Variants in GPHN observed in about 807,000 individuals in gnomAD.
The protein encoded by GPHN is gephyrin.
A neutral mutation model predicts 95.5 loss-of-function variants in GPHN; 17 were observed. The observed-to-expected ratio is 0.18, with a 90% CI of 0.12 to 0.27. GPHN has a LOEUF of 0.27. Ranked by LOEUF, GPHN falls within the 10% of genes least tolerant of loss-of-function variation. The pLI is 1.00. For missense variants in GPHN, 660 were observed against 978.1 expected, an observed-to-expected ratio of 0.67 and a Z score of 4.34; for synonymous variants, 320 against 322.5, an observed-to-expected ratio of 0.99 and a Z score of 0.08.
chr14:66,657,120 G>A (rs1049384784), intron 1 of GPHN, among the ~76,000 whole-genome samples: 4 of 152,198 alleles, frequency 2.6e-5, no homozygotes, highest in African/African-American at 9.6e-5. Flanking sequence ...AAGTAAAACA[G>A]CTTAATTGCT....
the GPHN span, among the ~76,000 whole-genome samples, chr14:67,476,552 A>G: frequency 6.6e-6 from 1 of 152,106 alleles, no homozygotes; most frequent in Non-Finnish European, 1.5e-5. Context: ...ATGCCACTGC[A>G]CTCCAGCCTG....
the GPHN span, among the ~76,000 whole-genome samples, chr14:67,687,057 CA>C: frequency 6.6e-6 from 1 of 152,148 alleles, no homozygotes; most frequent in African/African-American, 2.4e-5. Context: ...CCCAATCAGG[CA>C]AAAGGGTTCT....
chr14:67,001,955 G>A (rs1403479311), intron 9 of GPHN, among the ~76,000 whole-genome samples: 1 of 151,532 alleles, frequency 6.6e-6, no homozygotes, highest in African/African-American at 2.4e-5. Context: ...ATGCATTTGG[G>A]TGAAATGTAT....
intron 17 of GPHN, among the ~76,000 whole-genome samples, chr14:67,138,525 TAGAA>T (rs1405831140): frequency 6.6e-6 from 1 of 152,308 alleles, no homozygotes; most frequent in East Asian, 1.9e-4. Flanking sequence ...CTTTGAGTTT[TAGAA>T]AGAAAACTCA....
the GPHN span, among the ~76,000 whole-genome samples, chr14:67,688,904 C>A: frequency 6.6e-6 from 1 of 152,202 alleles, no homozygotes; most frequent in African/African-American, 2.4e-5. Flanking sequence ...TGTCCCCTAA[C>A]CCAGTGCACG....
the GPHN span, among the ~76,000 whole-genome samples, chr14:67,221,020 G>C: frequency 6.6e-6 from 1 of 152,138 alleles, no homozygotes; most frequent in African/African-American, 2.4e-5. Context: ...AATGTGTCAA[G>C]AAATAAGAAT....
intron 21 of GPHN, among the ~76,000 whole-genome samples, chr14:67,177,995 C>T (rs747944319): frequency 6.6e-5 from 10 of 152,174 alleles, no homozygotes; most frequent in Non-Finnish European, 1.0e-4. Context: ...ATACAGCACA[C>T]CGATGGGTCT....
intron 10 of GPHN, among the ~76,000 whole-genome samples, chr14:67,034,885 T>G (rs2074346301): frequency 6.6e-6 from 1 of 152,128 alleles, no homozygotes. Context: ...CCAAAAAGAT[T>G]AATAAGGAAA....
At chr14:66,612,237 AT>A (rs1036337686) in intron 1 of GPHN, among the ~76,000 whole-genome samples, 7 of 151,172 alleles carry the variant, frequency 4.6e-5, no homozygotes, top group East Asian at 1.9e-4. Flanking sequence ...TGCTTTTATT[AT>A]TTTTTTTAAC....
At chr14:66,776,799 A>T (rs569397945) in intron 3 of GPHN, among the ~76,000 whole-genome samples, 263 of 152,270 alleles carry the variant, frequency 1.7e-3, no homozygotes, top group African/African-American at 5.8e-3. Flanking sequence ...ACTGTGTATA[A>T]GCATTGGTGT....
chr14:66,889,874 TAGACTA>T (rs145942853), intron 5 of GPHN, among the ~76,000 whole-genome samples: 1,526 of 151,792 alleles, frequency 0.01, 19 homozygotes, highest in African/African-American at 0.034. Flanking sequence ...TTTAGCTAGA[TAGACTA>T]AGAAAAAAAA....
the GPHN span, chr14:67,593,497 A>G: frequency 2.2e-6 from 1 of 464,872 alleles, no homozygotes; most frequent in Non-Finnish European, 3.9e-6. Context: ...TCTCAAAAAA[A>G]AAAAAAGAAA....
At chr14:67,616,294 C>T in the GPHN span, 1 of 157,322 alleles carries the variant, frequency 6.4e-6, no homozygotes, top group Non-Finnish European at 1.4e-5. Context: ...TTTTAATAGC[C>T]TCCATACTGT....
chr14:67,678,368 G>A, the GPHN span: 16 of 1,613,888 alleles, frequency 9.9e-6, no homozygotes, highest in South Asian at 2.2e-5. Flanking sequence ...TCCCACAGCC[G>A]CCTTGCTATA....
rs116067853 is a variant in GPHN, at chr14:66,625,249, A to T, written c.65-55858A>T. 3.6e-3 allele frequency among the ~76,000 whole-genome samples: 540 copies of T among 151,790 alleles called. 3 individuals are homozygous for T. Among genetic ancestry groups the T allele is most frequent in the African/African-American group, 0.012 (501 of 41,398 alleles). On this transcript the variant is annotated intron_variant, in intron 1 of 22. Coordinates refer to ENST00000478722, the MANE Select transcript of GPHN (RefSeq NM_020806.5). Reference sequence around the variant, plus strand: ...ACGCACCACCACACCTAATTTTATAATTTTTTTGTAGAGACAGGGTCTCAC... The same window carrying T: ...ACGCACCACCACACCTAATTTTATATTTTTTTTGTAGAGACAGGGTCTCAC...
chr14:67,363,110 A>G, the GPHN span, among the ~76,000 whole-genome samples: 224 of 152,172 alleles, frequency 1.5e-3, 1 homozygote, highest in African/African-American at 5.2e-3. Flanking sequence ...TGTTCCATAC[A>G]TTTCTGTAAC....
the GPHN span, among the ~76,000 whole-genome samples, chr14:67,475,568 TG>T: frequency 6.6e-6 from 1 of 152,240 alleles, no homozygotes; most frequent in Non-Finnish European, 1.5e-5. Flanking sequence ...TTTTCTGTTT[TG>T]TTTTTATAAT....
At chr14:67,240,611 C>T in the GPHN span, among the ~76,000 whole-genome samples, 1 of 152,342 alleles carries the variant, frequency 6.6e-6, no homozygotes, top group Middle Eastern at 3.4e-3. Flanking sequence ...TTGCAAGTGT[C>T]GAGACACATT....
At chr14:67,433,189 T>C in the GPHN span, among the ~76,000 whole-genome samples, 1 of 152,166 alleles carries the variant, frequency 6.6e-6, no homozygotes, top group African/African-American at 2.4e-5. Flanking sequence ...CACAGAGGTA[T>C]CCTCAGAGCT....
Sources: allele counts gnomAD v4.1 joint callset (sites outside exome capture counted in the v4.1 genomes callset), GRCh38; gene constraint gnomAD v4.1.1; transcripts MANE v1.5; gene names NCBI Gene and HGNC (gene_info 2026-07-23, HGNC 2026-07-21).